The following ARID2 variants were observed in gnomAD, a reference collection of about 807,000 sequenced individuals.
The protein encoded by ARID2 is AT-rich interactive domain-containing protein 2.
Under a neutral mutation model 184.6 loss-of-function variants are expected in ARID2, and 32 were observed. The ratio of observed to expected loss-of-function variants is 0.17; its 90% CI spans 0.13 to 0.23. The LOEUF (loss-of-function observed/expected upper bound fraction) is 0.23. Ranked by LOEUF, ARID2 falls within the 10% of genes least tolerant of loss-of-function variation. The probability of loss-of-function intolerance (pLI) is 1.00; values close to 1 mark genes in which losing one functional copy is unlikely to be tolerated. For synonymous variants in ARID2, 836 were observed against 772.6 expected (o/e 1.08, Z -1.36); for missense variants, 1,696 against 2,197.6 (o/e 0.77, Z 4.56).
chr12:45,772,914 C>T (rs1412853604), intron 3 of ARID2, among the ~76,000 whole-genome samples: 1 of 152,148 alleles, frequency 6.6e-6, no homozygotes. Flanking sequence ...CAAACAGACA[C>T]TATCCAAGAG....
In ARID2 at chr12:45,837,350, T is replaced by A. The variant is rs2138130320; in HGVS notation, c.1053T>A (p.Thr351=). ...ELLLDPVDFK[T]THLMFHTVTK... is the part of the protein sequence containing the mutation. Reference sequence around the variant, plus strand: ...TACTGGACCCTGTTGATTTCAAAACTACTCATCTGATGTTTCATACTGTTA... The same window carrying A: ...TACTGGACCCTGTTGATTTCAAAACAACTCATCTGATGTTTCATACTGTTA... The change falls in exon 9 of 21, where the codon ACT becomes ACA. Residue 351 remains threonine, a synonymous_variant. Coordinates refer to ENST00000334344, the MANE Select transcript of ARID2 (RefSeq NM_152641.4). 3 of 1,611,064 alleles carry A rather than the reference T, an allele frequency of 1.9e-6. No homozygotes were observed. The highest frequency in any genetic ancestry group is 2.5e-6 in the Non-Finnish European group (3 of 1,179,128).
chr12:45,818,087 T>C (rs1942839237), intron 5 of ARID2, among the ~76,000 whole-genome samples, 199 bp downstream of exon 5: 1 of 152,152 alleles, frequency 6.6e-6, no homozygotes, highest in Non-Finnish European at 1.5e-5. Context: ...TCTCAGTGTT[T>C]TTGAAGTAAA....
At position 45,850,966 on chromosome 12, in the gene ARID2, T is replaced by A. The variant is rs1199124472; in HGVS notation, c.2843T>A (p.Leu948His). The A allele has an allele frequency of 6.2e-7, 1 of 1,614,210 alleles. No homozygotes were observed. ...GCACCAGCCATTCACCAAATTGTTC[T>A]TGCTAATCCAGCAGCTCTTCCAGCT... is the stretch of plus-strand genomic sequence containing the variant. ...TYAPAIHQIVLANPAALPAGQ... is the reference protein window; with the variant it reads ...TYAPAIHQIVHANPAALPAGQ... Residue 948 changes from leucine (L) to histidine (H), a missense_variant, in exon 15 of 21, where the codon CTT becomes CAT. This residue lies in a region of ARID2 where 713 missense variants were observed against 824.4 expected (regional missense o/e 0.86). Transcript: ENST00000334344.
chr12:45,897,682 G>GAGAC (rs1352510641), intron 20 of ARID2, among the ~76,000 whole-genome samples: 1 of 152,110 alleles, frequency 6.6e-6, no homozygotes, highest in Non-Finnish European at 1.5e-5. Flanking sequence ...TTACTCATAA[G>GAGAC]AGACAAAAAT....
intron 19 of ARID2, 22 bp from the exon 20 acceptor site, chr12:45,893,607 CT>C (rs754215173): frequency 1.6e-5 from 26 of 1,601,036 alleles, no homozygotes; most frequent in Non-Finnish European, 1.9e-5. Flanking sequence ...GATCTTTATT[CT>C]TTTTTTTCCT....
chr12:45,905,194 T>A lies in ARID2; in HGVS notation c.*116T>A. 1 of 1,046,918 alleles carries A rather than the reference T, an allele frequency of 9.6e-7. No individual in the cohort carries two copies. The highest frequency in any genetic ancestry group is 2.1e-5 in the South Asian group (1 of 47,742). 64.9% of individuals were successfully genotyped at this position (1,046,918 alleles called of 1,614,324 possible). A position where few individuals can be genotyped will look rare whatever the true frequency, so the allele number is the denominator to read the frequency against. On this transcript the variant is annotated 3_prime_UTR_variant, in exon 21 of 21. Coordinates refer to ENST00000334344, the MANE Select transcript of ARID2 (RefSeq NM_152641.4). The stretch of plus-strand genomic sequence containing the variant: ...AGACCATAGAATGAATTATTTTATC[T>A]CCTCCCATGATGCTGAGAGGAAGCT...
intron 16 of ARID2, among the ~76,000 whole-genome samples, chr12:45,876,947 C>G (rs976671076): frequency 1.2e-4 from 18 of 151,698 alleles, no homozygotes; most frequent in Admixed American, 6.6e-4. Context: ...AAAAAATTAA[C>G]CAGGCCTGGT....
chr12:45,853,472 G>A (rs1224630586), intron 15 of ARID2, among the ~76,000 whole-genome samples: 2 of 152,020 alleles, frequency 1.3e-5, no homozygotes, highest in South Asian at 2.1e-4. Context: ...TTACTCCTTT[G>A]CTTTACTGTC....
chr12:45,831,083 A>T (rs1302183974), intron 6 of ARID2, among the ~76,000 whole-genome samples: 1 of 151,754 alleles, frequency 6.6e-6, no homozygotes, highest in Non-Finnish European at 1.5e-5. Flanking sequence ...CACAAATATA[A>T]TTGAGGAAGA....
chr12:45,818,732 T>C (rs959397133), intron 5 of ARID2, among the ~76,000 whole-genome samples: 1 of 152,142 alleles, frequency 6.6e-6, no homozygotes, highest in Admixed American at 6.5e-5. Context: ...TTTAGTGAGA[T>C]GTTTGCAAAA....
At chr12:45,800,639 T>G (rs1342836704) in intron 3 of ARID2, among the ~76,000 whole-genome samples, 1 of 99,114 alleles carries the variant, frequency 1.0e-5, no homozygotes, top group Non-Finnish European at 1.9e-5. Context: ...CTAAATACCA[T>G]TCATCACTGA....
intron 3 of ARID2, among the ~76,000 whole-genome samples, chr12:45,733,656 A>C (rs1941048056): frequency 6.6e-6 from 1 of 152,216 alleles, no homozygotes; most frequent in Non-Finnish European, 1.5e-5. Flanking sequence ...AATTGGATGG[A>C]TGGCTGTTAG....
intron 16 of ARID2, among the ~76,000 whole-genome samples, chr12:45,862,464 A>G (rs1430900239): frequency 1.3e-5 from 2 of 151,756 alleles, no homozygotes; most frequent in Admixed American, 1.3e-4. Flanking sequence ...TACTCTCTCC[A>G]TTTGTCTTGA....
Position 45,729,764 on chromosome 12 carries a change from AGGAAGCGCT to A in ARID2, c.-70_-62del. On this transcript the variant is annotated 5_prime_UTR_variant, in exon 1 of 21. Transcript: ENST00000334344. ...CGAGGAATGGGCTCCGGGCTCTGGT[AGGAAGCGCT>A]GGGAGCGGGGGGCGCTTTTAAAACA... 7.0e-7 allele frequency: 1 copy of A among 1,420,502 alleles called. No individual in the cohort carries two copies. The highest frequency in any genetic ancestry group is 2.0e-5 in the Admixed American group (1 of 50,190). 88.0% of individuals were successfully genotyped at this position (1,420,502 alleles called of 1,614,324 possible).
chr12:45,830,232 A>G (rs1943088351), intron 6 of ARID2, among the ~76,000 whole-genome samples: 2 of 152,034 alleles, frequency 1.3e-5, no homozygotes, highest in African/African-American at 4.8e-5. Flanking sequence ...TCAGCAGACC[A>G]GTTTTTGTAG....
chr12:45,835,761 G>A (rs1029235265), intron 6 of ARID2, among the ~76,000 whole-genome samples: 3 of 152,064 alleles, frequency 2.0e-5, no homozygotes, highest in African/African-American at 4.8e-5. Context: ...TTAGTTGGGC[G>A]TGGTGGCGCG....
chr12:45,738,614 C>G (rs760006106), intron 3 of ARID2, among the ~76,000 whole-genome samples: 1 of 151,786 alleles, frequency 6.6e-6, no homozygotes, highest in East Asian at 1.9e-4. Flanking sequence ...CCCGGCTGGC[C>G]GGAGATTTTA....
chr12:45,866,690 T>G (rs529163157), intron 16 of ARID2, among the ~76,000 whole-genome samples: 7 of 152,338 alleles, frequency 4.6e-5, no homozygotes, highest in Non-Finnish European at 8.8e-5. Context: ...TTTAACTTTT[T>G]AAATAGACTA....
intron 20 of ARID2, among the ~76,000 whole-genome samples, chr12:45,904,067 C>T (rs1944491312): frequency 6.6e-6 from 1 of 152,016 alleles, no homozygotes; most frequent in Non-Finnish European, 1.5e-5. Flanking sequence ...CTAGATGATG[C>T]TCACTTTTAT....
Sources: allele counts gnomAD v4.1 joint callset (sites outside exome capture counted in the v4.1 genomes callset), GRCh38; gene constraint gnomAD v4.1.1; regional missense constraint gnomAD v4.1.1; transcripts MANE v1.5; gene names NCBI Gene and HGNC (gene_info 2026-07-23, HGNC 2026-07-21).